The following ACOT12 variants were observed in gnomAD, a reference collection of about 807,000 sequenced individuals.
The protein encoded by ACOT12 is acyl-CoA thioesterase 12, also known as acetyl-coenzyme A thioesterase.
In ACOT12, 51 loss-of-function variants were observed where a neutral mutation model predicts 67.7. The observed-to-expected ratio is 0.75, with a 90% CI of 0.60 to 0.95. The LOEUF (loss-of-function observed/expected upper bound fraction) is 0.95, where lower values mean the gene tolerates loss of function less well. Among genes scored for constraint, ACOT12 ranks in the 40% least tolerant of loss-of-function variants. The pLI is 0.00. For missense variants in ACOT12, 734 were observed against 708.1 expected (o/e 1.04, Z -0.41); for synonymous variants, 251 against 244.6 (o/e 1.03, Z -0.24).
chr5:81,354,233 A>G (rs551205674), intron 5 of ACOT12, among the ~76,000 whole-genome samples: 4 of 152,256 alleles, frequency 2.6e-5, no homozygotes, highest in Non-Finnish European at 5.9e-5. Flanking sequence ...TGAACTTTGA[A>G]CTAGACATGT....
the ACOT12 span, among the ~76,000 whole-genome samples, chr5:81,324,794 G>C: frequency 1.3e-5 from 2 of 152,218 alleles, no homozygotes; most frequent in Admixed American, 6.5e-5. Context: ...GCTGCTCAGA[G>C]ACTAAGTAAG....
chr5:81,360,456 G>A (rs1759871024), intron 4 of ACOT12, among the ~76,000 whole-genome samples: 1 of 151,520 alleles, frequency 6.6e-6, no homozygotes, highest in African/African-American at 2.4e-5. Context: ...AGCAAAGAGA[G>A]GGAATAAAGA....
At chr5:81,379,455 T>G (rs1191134330) in intron 2 of ACOT12, among the ~76,000 whole-genome samples, 2 of 152,066 alleles carry the variant, frequency 1.3e-5, no homozygotes, top group African/African-American at 2.4e-5. Context: ...GTTCTGCACA[T>G]GTACCCCAGA....
rs139763695 is a variant in ACOT12 at position 81,330,248 on chromosome 5, G to A, written c.*146C>T. 227 of 806,270 alleles carry A rather than the reference G, an allele frequency of 2.8e-4. No individual in the cohort carries two copies. In the African/African-American group the frequency reaches 3.4e-3, roughly 12 times the overall value. 49.9% of individuals were successfully genotyped at this position (806,270 alleles called of 1,614,324 possible). On this transcript the variant is annotated 3_prime_UTR_variant, in exon 15 of 15. Coordinates refer to ENST00000307624, the MANE Select transcript of ACOT12 (RefSeq NM_130767.3). ...AAATCACTGGTATTTGACTTAAGAT[G>A]CATTTTGTTTTTTAACTCCGTCACT...
At chr5:81,316,306 C>A in the ACOT12 span, among the ~76,000 whole-genome samples, 1 of 152,184 alleles carries the variant, frequency 6.6e-6, no homozygotes, top group African/African-American at 2.4e-5. Context: ...CAGTTGCTCC[C>A]TATCCCTTCC....
the ACOT12 span, among the ~76,000 whole-genome samples, chr5:81,314,893 C>T: frequency 6.6e-6 from 1 of 152,134 alleles, no homozygotes; most frequent in Admixed American, 6.5e-5. Flanking sequence ...CTCACTGAAG[C>T]CTCAAACACC....
the ACOT12 span, among the ~76,000 whole-genome samples, chr5:81,316,067 C>T: frequency 6.6e-6 from 1 of 152,214 alleles, no homozygotes; most frequent in East Asian, 1.9e-4. Context: ...TATCATTTGA[C>T]GAAGTCAGAG....
At chr5:81,325,652 G>A (rs1299192959), downstream of ACOT12, among the ~76,000 whole-genome samples, 1 of 152,080 alleles carries the variant, frequency 6.6e-6, no homozygotes, top group Non-Finnish European at 1.5e-5. Flanking sequence ...TCCCTAAATT[G>A]GATGTGAAAG....
chr5:81,309,250 G>C, the ACOT12 span: 1 of 420,700 alleles, frequency 2.4e-6, no homozygotes, highest in East Asian at 3.7e-5. Flanking sequence ...AAACTAAGGT[G>C]TATATTTCCA....
the ACOT12 span, among the ~76,000 whole-genome samples, chr5:81,315,380 A>G: frequency 6.6e-6 from 1 of 151,932 alleles, no homozygotes; most frequent in African/African-American, 2.4e-5. Flanking sequence ...GAGTCTTTCT[A>G]TGACCATCCT....
chr5:81,380,424 T>C (rs1760542608), intron 2 of ACOT12, among the ~76,000 whole-genome samples: 1 of 152,004 alleles, frequency 6.6e-6, no homozygotes, highest in Admixed American at 6.6e-5. Flanking sequence ...ATTAGCTGTG[T>C]GTGGTGGCAC....
At chr5:81,323,319 G>A in the ACOT12 span, among the ~76,000 whole-genome samples, 13 of 152,180 alleles carry the variant, frequency 8.5e-5, no homozygotes, top group Admixed American at 8.5e-4. Flanking sequence ...GCAAAACCTA[G>A]CTGGGCTTGT....
chr5:81,394,112 CATG>C lies in ACOT12; in HGVS notation c.-1_2del. 2 of 1,447,208 alleles carry C rather than the reference CATG, an allele frequency of 1.4e-6. No homozygotes were observed. Among genetic ancestry groups the C allele is most frequent in the Non-Finnish European group, 1.8e-6 (2 of 1,103,888 alleles). The allele number at this position is 1,447,208 out of a possible 1,614,324, so 89.6% of individuals were successfully genotyped here. A position where few individuals can be genotyped will look rare whatever the true frequency, so the allele number is the denominator to read the frequency against. Reference sequence around the variant, plus strand: ...CCACCTCGCCGGGCGCCGGCCGCTCCATGGCCAGGGCGAGAGCGCTACGCCTGC... The same window carrying C: ...CCACCTCGCCGGGCGCCGGCCGCTCCGCCAGGGCGAGAGCGCTACGCCTGC... On this transcript the variant is annotated start_lost and 5_prime_UTR_variant, in exon 1 of 15. Transcript: ENST00000307624.
the ACOT12 span, among the ~76,000 whole-genome samples, chr5:81,321,980 TG>T: frequency 5.3e-5 from 8 of 150,202 alleles, no homozygotes; most frequent in Admixed American, 2.6e-4. Flanking sequence ...AACACTGAAC[TG>T]GAAGATGAAT....
At chr5:81,342,607 C>T in intron 11 of ACOT12, 65 bp downstream of exon 11, 1 of 1,474,532 alleles carries the variant, frequency 6.8e-7, no homozygotes, top group South Asian at 1.2e-5. Flanking sequence ...GCAGTAGAAC[C>T]ACCACCACCA....
intron 3 of ACOT12, among the ~76,000 whole-genome samples, chr5:81,364,510 C>T (rs1760015552): frequency 1.3e-5 from 2 of 152,082 alleles, no homozygotes. Context: ...TCACTGCAAC[C>T]TCCACCTCCC....
In ACOT12 at chr5:81,367,186, A is replaced by C. The variant is rs375356149; in HGVS notation, c.259-3297T>G. 2.0e-5 allele frequency among the ~76,000 whole-genome samples: 3 copies of C among 152,220 alleles called. No individual in the cohort carries two copies. The East Asian group carries it at 5.8e-4, about 29-fold the overall frequency. On this transcript the variant is annotated intron_variant, in intron 3 of 14. Coordinates refer to ENST00000307624, the MANE Select transcript of ACOT12 (RefSeq NM_130767.3). ...AAAGCTGAAAAAGAAATGCTAAAGG[A>C]ATATCTTCAGACAGAAGGAAAATGA... is the stretch of plus-strand genomic sequence containing the variant.
chr5:81,328,046 G>A (rs553221794), downstream of ACOT12, among the ~76,000 whole-genome samples: 18 of 152,174 alleles, frequency 1.2e-4, no homozygotes, highest in Non-Finnish European at 2.1e-4. Context: ...TCGCTCTGTT[G>A]AAGTCTCACC....
chr5:81,374,838 A>T (rs113720428), intron 2 of ACOT12, among the ~76,000 whole-genome samples: 23,043 of 152,176 alleles, frequency 0.15, 2,212 homozygotes, highest in Admixed American at 0.22. Context: ...ATATAGTACT[A>T]TGTGAAAAGA....
Sources: gnomAD v4.1 joint callset for allele counts (sites outside exome capture counted in the v4.1 genomes callset) on GRCh38, gnomAD v4.1.1 for gene constraint, MANE v1.5 for transcripts, NCBI Gene and HGNC (gene_info 2026-07-23, HGNC 2026-07-21) for gene names.